Variants in CAPN2 observed in about 807,000 individuals in gnomAD.
The protein encoded by CAPN2 is calpain-2 catalytic subunit.
CAPN2 carries 92 observed loss-of-function variants against 102.3 expected under a neutral mutation model. The observed-to-expected ratio is 0.90, with a 90% CI of 0.76 to 1.07. CAPN2 has a LOEUF of 1.07. Ranked by LOEUF, CAPN2 falls within the 50% of genes least tolerant of loss-of-function variation. CAPN2 has a pLI of 0.00. For missense variants in CAPN2, 800 were observed against 909.4 expected (o/e 0.88, Z 1.55); for synonymous variants, 340 against 355.4 (o/e 0.96, Z 0.49).
At chr1:223,708,635 G>A (rs1659663272), upstream of CAPN2, among the ~76,000 whole-genome samples, 1 of 151,222 alleles carries the variant, frequency 6.6e-6, no homozygotes, top group East Asian at 2.0e-4. Flanking sequence ...GCTGCACATG[G>A]CGGCTGGTAC....
intron 4 of CAPN2, 62 bp from the exon 5 acceptor site, chr1:223,746,935 T>C: frequency 6.8e-7 from 1 of 1,470,804 alleles, no homozygotes. Flanking sequence ...GGGGTGGCTG[T>C]TTGAGAGATT....
intron 2 of CAPN2, among the ~76,000 whole-genome samples, chr1:223,739,982 G>T (rs1660572058): frequency 6.6e-6 from 1 of 152,152 alleles, no homozygotes; most frequent in South Asian, 2.1e-4. Context: ...CTTCAACCAG[G>T]GCACCTGACC....
chr1:223,742,319 G>T (rs140976766), intron 2 of CAPN2, among the ~76,000 whole-genome samples: 3,662 of 151,938 alleles, frequency 0.024, 157 homozygotes, highest in African/African-American at 0.084. Flanking sequence ...TTGAACCCAG[G>T]AGGCAGAGGT....
intron 3 of CAPN2, among the ~76,000 whole-genome samples, chr1:223,744,615 C>G (rs1660707578): frequency 6.6e-6 from 1 of 152,164 alleles, no homozygotes; most frequent in Non-Finnish European, 1.5e-5. Context: ...AATCTCAGCA[C>G]TTTGGGAGGC....
chr1:223,765,601 GCCTCTGAGCTTACTACCCTACCC>G (rs1292704768), intron 15 of CAPN2, among the ~76,000 whole-genome samples: 13 of 152,208 alleles, frequency 8.5e-5, no homozygotes, highest in African/African-American at 2.9e-4. Flanking sequence ...CTCCGCGCGT[GCCTCTGAGCTTACTACCCTACCC>G]CTAGCTGCCT....
intron 20 of CAPN2, 153 bp downstream of exon 20, chr1:223,772,392 A>G (rs1014946649): frequency 5.0e-6 from 3 of 595,898 alleles, no homozygotes; most frequent in South Asian, 4.3e-5. Flanking sequence ...AGATCCCACA[A>G]TGCACTTTTA....
chr1:223,762,134 T>C, intron 13 of CAPN2, 52 bp from the exon 14 acceptor site: 1 of 1,496,262 alleles, frequency 6.7e-7, no homozygotes, highest in South Asian at 1.1e-5. Flanking sequence ...GGCAGACACT[T>C]GGTGTCATGC....
chr1:223,746,188 A>G (rs1176855617), intron 4 of CAPN2, among the ~76,000 whole-genome samples: 1 of 152,188 alleles, frequency 6.6e-6, no homozygotes, highest in African/African-American at 2.4e-5. Context: ...AGCTGTGAGA[A>G]CCTGGAGCCT....
chr1:223,712,421 C>A, upstream of CAPN2: 1 of 1,085,804 alleles, frequency 9.2e-7, no homozygotes, highest in Non-Finnish European at 1.1e-6. Flanking sequence ...GCTCGGCAGG[C>A]CGCAGGATGG....
chr1:223,751,944 T>C, intron 7 of CAPN2, 53 bp from the exon 8 acceptor site: 2 of 1,259,542 alleles, frequency 1.6e-6, no homozygotes, highest in Non-Finnish European at 2.3e-6. Context: ...CTCTGGGGCC[T>C]TTGGGGAGAA....
At chr1:223,751,287 T>C (rs1264554197) in intron 7 of CAPN2, among the ~76,000 whole-genome samples, 1 of 152,032 alleles carries the variant, frequency 6.6e-6, no homozygotes, top group Non-Finnish European at 1.5e-5. Context: ...GGGAAAAAAA[T>C]ACACCCCACC....
intron 2 of CAPN2, among the ~76,000 whole-genome samples, chr1:223,734,651 G>C (rs1660407500): frequency 6.6e-6 from 1 of 151,868 alleles, no homozygotes; most frequent in South Asian, 2.1e-4. Context: ...TGGCAACCCT[G>C]GCACCCTTTC....
chr1:223,720,275 T>G (rs1363203939), intron 2 of CAPN2, among the ~76,000 whole-genome samples: 1 of 151,574 alleles, frequency 6.6e-6, no homozygotes, highest in African/African-American at 2.4e-5. Flanking sequence ...GCTAGAGGGT[T>G]AGAGCACTAC....
At chr1:223,751,355 A>T (rs1660892484) in intron 7 of CAPN2, among the ~76,000 whole-genome samples, 1 of 152,164 alleles carries the variant, frequency 6.6e-6, no homozygotes, top group South Asian at 2.1e-4. Context: ...CCAGAGAAAC[A>T]TCCCTCTGTT....
chr1:223,738,562 A>G (rs1297255870), intron 2 of CAPN2, among the ~76,000 whole-genome samples: 1 of 152,218 alleles, frequency 6.6e-6, no homozygotes, highest in East Asian at 1.9e-4. Context: ...GCAGTCAAGA[A>G]CGCAGGCCAG....
At chr1:223,773,008 T>C (rs997419229) in intron 20 of CAPN2, 1 of 152,254 alleles carries the variant, frequency 6.6e-6, no homozygotes, top group African/African-American at 2.4e-5. Context: ...TTGTCAGTCC[T>C]GTCCGTGTAA....
chr1:223,769,557 T>C (rs547985142), intron 16 of CAPN2, among the ~76,000 whole-genome samples: 12 of 152,174 alleles, frequency 7.9e-5, no homozygotes, highest in African/African-American at 1.2e-4. Context: ...CAAAGCCCTC[T>C]GCATGTCATC....
Position 223,712,749 on chromosome 1 carries a change from A to C in CAPN2, c.109A>C (p.Asn37His). The C allele has an allele frequency of 1.3e-6, 2 of 1,585,864 alleles. No homozygotes were observed. The change falls in exon 1 of 21, where the codon AAC (asparagine) becomes CAC (histidine). Residue 37 changes from asparagine to histidine, a missense_variant. Asn to His is a moderately conservative substitution (Grantham distance 68). Transcript: ENST00000295006. Reference sequence around the variant, plus strand: ...CAACCAGGACTACGAGGCGCTGCGGAACGAGTGCCTGGAGGCCGGGACGCT... The same window carrying C: ...CAACCAGGACTACGAGGCGCTGCGGCACGAGTGCCTGGAGGCCGGGACGCT... ...YLNQDYEALR[N>H]ECLEAGTLFQ...
chr1:223,722,018 G>A (rs1660061586), intron 2 of CAPN2, among the ~76,000 whole-genome samples: 1 of 152,078 alleles, frequency 6.6e-6, no homozygotes, highest in Non-Finnish European at 1.5e-5. Context: ...AAGAGAAAAG[G>A]AGGAGAAGAA....
Sources: gnomAD v4.1 joint callset for allele counts (sites outside exome capture counted in the v4.1 genomes callset) on GRCh38, gnomAD v4.1.1 for gene constraint, MANE v1.5 for transcripts, NCBI Gene and HGNC (gene_info 2026-07-23, HGNC 2026-07-21) for gene names.